Variants in GABRA1 observed in about 807,000 individuals in gnomAD.
GABRA1 encodes the protein gamma-aminobutyric acid type A receptor subunit alpha1.
GABRA1 carries 9 observed loss-of-function variants against 48.9 expected under a neutral mutation model. That is an observed-to-expected ratio of 0.18 (90% confidence interval 0.11 to 0.32). GABRA1 has a LOEUF of 0.32. Among genes scored for constraint, GABRA1 ranks in the 10% least tolerant of loss-of-function variants. GABRA1 has a pLI of 1.00. For synonymous variants in GABRA1, 210 were observed against 198.7 expected (o/e 1.06, Z -0.48); for missense variants, 285 against 553.8 (o/e 0.51, Z 4.87).
Position 161,850,788 on chromosome 5 carries a change from C to G in GABRA1, c.-15-8C>G. Reference sequence around the variant, plus strand: ...GAGACATTGATCTCTACTTATTCTACTTTTCAGCTGCTCCAGCCCGCGATG... The same window carrying G: ...GAGACATTGATCTCTACTTATTCTAGTTTTCAGCTGCTCCAGCCCGCGATG... On this transcript the variant is annotated splice_polypyrimidine_tract_variant and splice_region_variant and intron_variant, in intron 1 of 9. Coordinates refer to ENST00000393943, the MANE Select transcript of GABRA1 (RefSeq NM_001127644.2). 1 of 1,612,474 alleles carries G rather than the reference C, an allele frequency of 6.2e-7. No individual in the cohort carries two copies. The highest frequency in any genetic ancestry group is 2.2e-5 in the East Asian group (1 of 44,868).
intron 6 of GABRA1, among the ~76,000 whole-genome samples, chr5:161,880,802 G>C (rs974322670): frequency 2.0e-5 from 3 of 152,032 alleles, no homozygotes; most frequent in Non-Finnish European, 4.4e-5. Flanking sequence ...TCTTTTTTCA[G>C]ACAGCCTTAT....
At chr5:161,877,362 G>A (rs1228417415) in intron 6 of GABRA1, among the ~76,000 whole-genome samples, 1 of 152,112 alleles carries the variant, frequency 6.6e-6, no homozygotes, top group African/African-American at 2.4e-5. Context: ...GCTGAAAAAA[G>A]GAGAGTTTAT....
chr5:161,892,525 C>G (rs1277181193), intron 8 of GABRA1, among the ~76,000 whole-genome samples: 4 of 152,304 alleles, frequency 2.6e-5, no homozygotes, highest in African/African-American at 9.6e-5. Flanking sequence ...ATAATTGCAG[C>G]TGCAGAACAA....
intron 4 of GABRA1, among the ~76,000 whole-genome samples, chr5:161,866,102 T>C (rs1198270868): frequency 2.0e-5 from 3 of 152,100 alleles, no homozygotes; most frequent in South Asian, 4.1e-4. Flanking sequence ...TTCATTTTAG[T>C]TAGCAGGCCA....
chr5:161,869,867 A>C (rs1754031906), intron 4 of GABRA1, among the ~76,000 whole-genome samples: 1 of 152,132 alleles, frequency 6.6e-6, no homozygotes, highest in South Asian at 2.1e-4. Flanking sequence ...CCTCTTCTGC[A>C]TTTTGTTTTT....
intron 7 of GABRA1, among the ~76,000 whole-genome samples, chr5:161,883,362 C>G (rs1262155745): frequency 2.0e-5 from 3 of 152,256 alleles, no homozygotes; most frequent in Middle Eastern, 6.8e-3. Context: ...AACTGATTTA[C>G]TAATTCTATA....
rs373488537 is a variant in GABRA1, at chr5:161,873,096, T to A, written c.256-21T>A. 4 of 1,568,402 alleles carry A rather than the reference T, an allele frequency of 2.6e-6. No homozygotes were observed. In the African/African-American group the frequency reaches 4.1e-5, roughly 16 times the overall value. The stretch of plus-strand genomic sequence containing the variant: ...AAAATACAGCACAGTGAACTCTTCG[T>A]CATTTTCCAAAATTACCTAGGAATA... On this transcript the variant is annotated intron_variant, in intron 4 of 9. Coordinates refer to ENST00000393943, the MANE Select transcript of GABRA1 (RefSeq NM_001127644.2).
At chr5:161,855,026 C>CTCT (rs1757594680) in intron 3 of GABRA1, among the ~76,000 whole-genome samples, 1 of 151,270 alleles carries the variant, frequency 6.6e-6, no homozygotes, top group Non-Finnish European at 1.5e-5. Context: ...CAGAGTAAAA[C>CTCT]AAGTGAAGCA....
chr5:161,888,329 A>G (rs1488830539), intron 7 of GABRA1, among the ~76,000 whole-genome samples: 1 of 151,924 alleles, frequency 6.6e-6, no homozygotes, highest in Non-Finnish European at 1.5e-5. Context: ...TTTCTTCCTT[A>G]TTTGAAAGTT....
intron 3 of GABRA1, among the ~76,000 whole-genome samples, chr5:161,854,630 T>C (rs1362487956): frequency 6.6e-6 from 1 of 151,668 alleles, no homozygotes. Context: ...TGCATTTAAT[T>C]CCAACAGGAT....
rs886060362 is a variant in GABRA1 at position 161,897,635 on chromosome 5, C to T, written c.*213C>T. ...GGAGACAGGATTCTGACAGAGCAAGCGAAAGAGCAAAGTCATGTCAGAAGG... is the reference window on the plus strand; with the variant it reads ...GGAGACAGGATTCTGACAGAGCAAGTGAAAGAGCAAAGTCATGTCAGAAGG... On this transcript the variant is annotated 3_prime_UTR_variant, in exon 10 of 10. Coordinates refer to ENST00000393943, the MANE Select transcript of GABRA1 (RefSeq NM_001127644.2). The T allele has an allele frequency of 8.0e-5, 43 of 534,872 alleles. No individual in the cohort carries two copies. The highest frequency in any genetic ancestry group is 3.5e-5 in the Admixed American group (1 of 28,820). The allele number at this position is 534,872 out of a possible 1,614,324, so 33.1% of individuals were successfully genotyped here.
chr5:161,852,677 G>T (rs1446067913), intron 2 of GABRA1, among the ~76,000 whole-genome samples: 1 of 151,902 alleles, frequency 6.6e-6, no homozygotes, highest in Non-Finnish European at 1.5e-5. Context: ...TTTGCCAAAA[G>T]AGAGTAAGCC....
chr5:161,888,841 A>G (rs1298073905), intron 7 of GABRA1, among the ~76,000 whole-genome samples: 1 of 152,008 alleles, frequency 6.6e-6, no homozygotes, highest in Non-Finnish European at 1.5e-5. Flanking sequence ...GTAACATTCC[A>G]TTTGTCCTTT....
chr5:161,884,627 T>G (rs985383399), intron 7 of GABRA1, among the ~76,000 whole-genome samples: 31 of 152,148 alleles, frequency 2.0e-4, no homozygotes, highest in African/African-American at 7.2e-4. Flanking sequence ...ATAATCACTC[T>G]CTAGGCTCCA....
intron 3 of GABRA1, among the ~76,000 whole-genome samples, chr5:161,854,633 A>C (rs1415717282): frequency 1.3e-5 from 2 of 151,678 alleles, no homozygotes; most frequent in African/African-American, 4.8e-5. Context: ...ATTTAATTCC[A>C]ACAGGATATC....
rs1581224414 is a variant in GABRA1 at position 161,899,815 on chromosome 5, A to G, written c.*2393A>G. 1 of 152,176 alleles carries G rather than the reference A, an allele frequency of 6.6e-6. No individual in the cohort carries two copies. Among genetic ancestry groups the G allele is most frequent in the East Asian group, 1.9e-4 (1 of 5,192 alleles). The allele number at this position is 152,176 out of a possible 1,614,324, so 9.4% of individuals were successfully genotyped here. A position where few individuals can be genotyped will look rare whatever the true frequency, so the allele number is the denominator to read the frequency against. Reference sequence around the variant, plus strand: ...TGTTTATTGCACTTTAGTGCAGTGAAGTGGCAATAAAACCTAACATGAATC... The same window carrying G: ...TGTTTATTGCACTTTAGTGCAGTGAGGTGGCAATAAAACCTAACATGAATC... On this transcript the variant is annotated 3_prime_UTR_variant, in exon 10 of 10. Transcript: ENST00000393943.
intron 4 of GABRA1, among the ~76,000 whole-genome samples, chr5:161,871,850 G>A (rs1279017585): frequency 6.6e-6 from 1 of 152,106 alleles, no homozygotes; most frequent in Non-Finnish European, 1.5e-5. Context: ...TATATCTGGT[G>A]CATTATAATA....
intron 4 of GABRA1, 42 bp downstream of exon 4, chr5:161,865,830 A>G: frequency 1.3e-6 from 2 of 1,545,896 alleles, no homozygotes; most frequent in South Asian, 2.2e-5. Context: ...AAGAATTTTT[A>G]AAATTTAACT....
At chr5:161,858,310 T>G (rs1425568520) in intron 3 of GABRA1, among the ~76,000 whole-genome samples, 1 of 151,668 alleles carries the variant, frequency 6.6e-6, no homozygotes, top group East Asian at 1.9e-4. Context: ...ACTGCACCCA[T>G]CTGCGTGAAA....
Sources: gnomAD v4.1 joint callset for allele counts (sites outside exome capture counted in the v4.1 genomes callset) on GRCh38, gnomAD v4.1.1 for gene constraint, MANE v1.5 for transcripts, NCBI Gene and HGNC (gene_info 2026-07-23, HGNC 2026-07-21) for gene names.